Variants in PRP4K observed in about 807,000 individuals in gnomAD.
PRP4K encodes the protein serine/threonine-protein kinase PRP4 homolog.
chr6:4,022,025 C>G, the PRP4K span, among the ~76,000 whole-genome samples: 1 of 152,126 alleles, frequency 6.6e-6, no homozygotes, highest in African/African-American at 2.4e-5. Flanking sequence ...GATCTCGTCA[C>G]CTTGTACTCT....
the PRP4K span, chr6:4,057,213 A>G: frequency 6.3e-7 from 1 of 1,599,942 alleles, no homozygotes; most frequent in East Asian, 2.2e-5. Flanking sequence ...GAGCTTCTTT[A>G]AGGTCTTAGT....
At chr6:4,041,011 C>G in the PRP4K span, 1 of 1,335,002 alleles carries the variant, frequency 7.5e-7, no homozygotes, top group Non-Finnish European at 1.0e-6. Context: ...TAATATCCAC[C>G]TAAATATTAT....
At chr6:4,064,956 A>G in the PRP4K span, 1 of 152,474 alleles carries the variant, frequency 6.6e-6, no homozygotes, top group African/African-American at 2.4e-5. Flanking sequence ...TTACTGGGAA[A>G]CTGAATAAAA....
chr6:4,060,347 A>G, the PRP4K span: 2 of 1,420,844 alleles, frequency 1.4e-6, no homozygotes, highest in East Asian at 2.4e-5. The surrounding 1 kb of genome is among the most constrained non-coding windows in gnomAD (Gnocchi z 4.7). Flanking sequence ...CCCCAAAACA[A>G]TCTGATTTAA....
At chr6:4,057,067 T>C in the PRP4K span, 3 of 1,605,060 alleles carry the variant, frequency 1.9e-6, no homozygotes, top group South Asian at 3.3e-5. Context: ...ATGGTATAGA[T>C]ATGTGGTCTG....
the PRP4K span, among the ~76,000 whole-genome samples, chr6:4,027,605 GGGT>G: frequency 1.1e-3 from 121 of 108,164 alleles, 1 homozygote; most frequent in African/African-American, 2.7e-3. Flanking sequence ...AGGGGTGGGG[GGGT>G]GGGGTGGGGG....
At chr6:4,022,037 T>C in the PRP4K span, among the ~76,000 whole-genome samples, 9 of 152,320 alleles carry the variant, frequency 5.9e-5, no homozygotes, top group South Asian at 1.5e-3. Flanking sequence ...TTGTACTCTT[T>C]AGTCCAGCAG....
chr6:4,037,508 G>T, the PRP4K span: 1 of 1,613,960 alleles, frequency 6.2e-7, no homozygotes, highest in Admixed American at 1.7e-5. Flanking sequence ...TTAGAAGGAG[G>T]TCTCGTTCCC....
At chr6:4,062,583 T>C in the PRP4K span, 2 of 152,724 alleles carry the variant, frequency 1.3e-5, no homozygotes, top group African/African-American at 2.4e-5. This position sits in a 1 kb window ranked among gnomAD's most constrained non-coding sequence, Gnocchi z 4.2. Flanking sequence ...AGCATGCACA[T>C]TTTGGTGCAT....
At chr6:4,054,703 ACCATG>A in the PRP4K span, among the ~76,000 whole-genome samples, 1 of 152,120 alleles carries the variant, frequency 6.6e-6, no homozygotes, top group South Asian at 2.1e-4. Context: ...ACGGGGTTTC[ACCATG>A]TTGGCCAGGA....
At chr6:4,034,989 G>C in the PRP4K span, among the ~76,000 whole-genome samples, 4 of 152,022 alleles carry the variant, frequency 2.6e-5, no homozygotes, top group Admixed American at 1.3e-4. Context: ...GGGATTACAG[G>C]CCTGAGCCAC....
At chr6:4,041,680 T>C in the PRP4K span, among the ~76,000 whole-genome samples, 4 of 22,456 alleles carry the variant, frequency 1.8e-4, no homozygotes, top group South Asian at 7.0e-4. Context: ...TCTGAGGACA[T>C]TTCTTGTGAT....
the PRP4K span, among the ~76,000 whole-genome samples, chr6:4,054,565 G>A: frequency 6.6e-6 from 1 of 152,094 alleles, no homozygotes; most frequent in Non-Finnish European, 1.5e-5. Context: ...GGAGTGCAAT[G>A]GCGTGATCTC....
At chr6:4,063,517 C>T in the PRP4K span, 1 of 152,108 alleles carries the variant, frequency 6.6e-6, no homozygotes, top group African/African-American at 2.4e-5. Flanking sequence ...TGTTCAACTC[C>T]TTTAGTATCT....
the PRP4K span, among the ~76,000 whole-genome samples, chr6:4,029,424 G>A: frequency 6.8e-6 from 1 of 146,816 alleles, no homozygotes; most frequent in Non-Finnish European, 1.5e-5. Context: ...GCTCATTGCA[G>A]CCTTGACCTC....
chr6:4,045,624 CTT>C, the PRP4K span, among the ~76,000 whole-genome samples: 3 of 152,144 alleles, frequency 2.0e-5, no homozygotes, highest in Non-Finnish European at 4.4e-5. Flanking sequence ...ATTTCTATCT[CTT>C]ATTACAGTGA....
chr6:4,056,525 A>G, the PRP4K span: 1 of 1,606,998 alleles, frequency 6.2e-7, no homozygotes, highest in Non-Finnish European at 8.5e-7. Context: ...ATCACACTTC[A>G]GCAGCTGCAC....
chr6:4,032,046 A>G, the PRP4K span: 1 of 1,614,092 alleles, frequency 6.2e-7, no homozygotes, highest in South Asian at 1.1e-5. Flanking sequence ...TGTGGACAAT[A>G]AAATTACTAC....
the PRP4K span, among the ~76,000 whole-genome samples, chr6:4,048,733 CT>C: frequency 2.7e-5 from 4 of 149,468 alleles, no homozygotes; most frequent in African/African-American, 4.9e-5. Flanking sequence ...ACACCTGGCG[CT>C]TTTTTTTTGT....
Sources: gnomAD v4.1 joint callset for allele counts (sites outside exome capture counted in the v4.1 genomes callset) on GRCh38, gnomAD v4.1.1 for gene constraint, Gnocchi (gnomAD v3.1) non-coding constraint, MANE v1.5 for transcripts, NCBI Gene and HGNC (gene_info 2026-07-23, HGNC 2026-07-21) for gene names.